The following PRR5 variants were observed in gnomAD, a reference collection of about 807,000 sequenced individuals.
The protein encoded by PRR5 is proline rich 5.
In PRR5, 25 loss-of-function variants were observed where a neutral mutation model predicts 30.6. The ratio of observed to expected loss-of-function variants is 0.82; its 90% CI spans 0.60 to 1.14. The LOEUF is 1.14. Among genes scored for constraint, PRR5 ranks in the 50% most tolerant of loss-of-function variants. PRR5 has a pLI of 0.00. For missense variants in PRR5, 600 were observed against 547.1 expected (o/e 1.10, Z -0.96); for synonymous variants, 286 against 247.1 (o/e 1.16, Z -1.48).
intron 1 of PRR5, among the ~76,000 whole-genome samples, chr22:44,683,357 T>C (rs56692566): frequency 0.091 from 13,870 of 152,252 alleles, 817 homozygotes; most frequent in East Asian, 0.29. Context: ...CCACCCACCT[T>C]GAGGGCCACC....
rs747179688 is a variant in PRR5, at chr22:44,714,667, G to A, written c.211G>A (p.Val71Ile). Residue 71 changes from valine to isoleucine, a missense_variant, in exon 2 of 8, where the codon GTC becomes ATC. Physicochemically the swap from Val to Ile is conservative, Grantham distance 29 (BLOSUM62 3). Coordinates refer to ENST00000336985, the MANE Select transcript of PRR5 (RefSeq NM_181333.4). ...DQELFSLNEGVRQLLKTELGS... is the reference protein window; with the variant it reads ...DQELFSLNEGIRQLLKTELGS... ...GGAGCTCTTCAGCCTCAACGAGGGC[G>A]TCCGGTGAGTGCCTGTCCCACCTTG... is the stretch of plus-strand genomic sequence containing the variant. The A allele has an allele frequency of 1.4e-5, 22 of 1,613,682 alleles. No homozygotes were observed. The highest frequency in any genetic ancestry group is 4.4e-5 in the South Asian group (4 of 91,082).
At chr22:44,717,629 A>G (rs897392100) in intron 2 of PRR5, among the ~76,000 whole-genome samples, 3 of 152,026 alleles carry the variant, frequency 2.0e-5, no homozygotes, top group Non-Finnish European at 4.4e-5. Context: ...CAATGGAGGT[A>G]GAGCAGGTAG....
rs137993470 is a variant in PRR5, at chr22:44,731,953, T to C, written c.414+132T>C. On this transcript the variant is annotated intron_variant, in intron 5 of 7. Transcript: ENST00000336985. ...CTGCTCTGTGCTGCTCTCCTTGGGCTACCTGAGTTGCTCAGAGCCTGTTTC... is the reference window on the plus strand; with the variant it reads ...CTGCTCTGTGCTGCTCTCCTTGGGCCACCTGAGTTGCTCAGAGCCTGTTTC... The C allele has an allele frequency of 1.4e-3, 1,484 of 1,025,698 alleles. 16 individuals carry two copies. In the African/African-American group the frequency reaches 0.022, roughly 15 times the overall value. The allele number at this position is 1,025,698 out of a possible 1,614,324, so 63.5% of individuals were successfully genotyped here. A position where few individuals can be genotyped will look rare whatever the true frequency, so the allele number is the denominator to read the frequency against.
intron 1 of PRR5, among the ~76,000 whole-genome samples, chr22:44,710,702 G>A (rs554260513): frequency 6.6e-5 from 10 of 152,262 alleles, no homozygotes; most frequent in African/African-American, 2.4e-4. Context: ...GAGGAGCAGA[G>A]GTCCTGGGTG....
At chr22:44,671,536 G>C (rs529725936) in intron 1 of PRR5, among the ~76,000 whole-genome samples, 1 of 152,228 alleles carries the variant, frequency 6.6e-6, no homozygotes, top group East Asian at 1.9e-4. Flanking sequence ...CAGACCCTCA[G>C]CTTCTGGTGG....
chr22:44,720,067 C>T (rs1240146065), intron 2 of PRR5, among the ~76,000 whole-genome samples: 1 of 152,188 alleles, frequency 6.6e-6, no homozygotes, highest in African/African-American at 2.4e-5. Flanking sequence ...ATCCACACCC[C>T]CTCTTCTCCC....
chr22:44,726,265 C>T (rs183356528), intron 3 of PRR5, among the ~76,000 whole-genome samples: 41 of 152,350 alleles, frequency 2.7e-4, no homozygotes, highest in African/African-American at 7.2e-4. Flanking sequence ...AAAGTCCTTT[C>T]TTCACTGTGG....
chr22:44,678,363 T>C (rs527679567), intron 1 of PRR5, among the ~76,000 whole-genome samples: 1 of 150,268 alleles, frequency 6.7e-6, no homozygotes, highest in East Asian at 2.0e-4. Flanking sequence ...TTCACTCTTG[T>C]TCAGGCTGGA....
chr22:44,700,966 T>G (rs545555397), upstream of PRR5, among the ~76,000 whole-genome samples: 136 of 152,170 alleles, frequency 8.9e-4, no homozygotes, highest in Non-Finnish European at 1.3e-3. Context: ...CTCTGCAACC[T>G]CTGCCTCCCA....
chr22:44,708,846 A>G (rs1013423423), intron 1 of PRR5, among the ~76,000 whole-genome samples: 3 of 151,730 alleles, frequency 2.0e-5, no homozygotes, highest in African/African-American at 7.3e-5. Flanking sequence ...GGGCGCCTGT[A>G]GTCCTAGCTA....
chr22:44,723,499 C>T (rs186941022), intron 2 of PRR5, among the ~76,000 whole-genome samples: 1 of 152,126 alleles, frequency 6.6e-6, no homozygotes, highest in Non-Finnish European at 1.5e-5. Context: ...GCAGGTGGAT[C>T]ACCTCAGGTC....
At position 44,736,830 on chromosome 22, in the gene PRR5, G is replaced by T; in HGVS notation, c.750G>T (p.Val250=). 6.3e-7 allele frequency: 1 copy of T among 1,593,134 alleles called. No homozygotes were observed. The change falls in exon 8 of 8, where the codon GTG becomes GTT. Residue 250 remains valine, a synonymous_variant. Coordinates refer to ENST00000336985, the MANE Select transcript of PRR5 (RefSeq NM_181333.4). The part of the protein sequence containing the change: ...SGDVLAKNPV[V]RSKSYNTPLL... ...ACGTGCTGGCCAAGAACCCTGTGGT[G>T]CGCTCCAAGAGCTACAACACGCCTC...
Position 44,729,905 on chromosome 22 carries a change from C to T in PRR5, c.323-1825C>T, listed in dbSNP as rs960357224. 3.1e-5 allele frequency: 31 copies of T among 985,500 alleles called. No individual in the cohort carries two copies. In the East Asian group the frequency reaches 1.1e-3, roughly 36 times the overall value. 61.0% of individuals were successfully genotyped at this position (985,500 alleles called of 1,614,324 possible). A position where few individuals can be genotyped will look rare whatever the true frequency, so the allele number is the denominator to read the frequency against. ...AACTGAGCTGCCTTTCTTCCTGCCG[C>T]GGCGGAGGGGGACTGAAGGGACTTT... On this transcript the variant is annotated intron_variant, in intron 4 of 7. Transcript: ENST00000336985.
intron 2 of PRR5, 124 bp from the exon 3 acceptor site, chr22:44,725,120 T>G: frequency 3.5e-6 from 5 of 1,418,780 alleles, no homozygotes; most frequent in Non-Finnish European, 4.8e-6. Context: ...CCACTACCCA[T>G]GTTTTTGGGC....
chr22:44,696,721 G>A (rs79118556), intron 1 of PRR5, among the ~76,000 whole-genome samples: 2 of 147,926 alleles, frequency 1.4e-5, no homozygotes, highest in Non-Finnish European at 3.0e-5. Context: ...ATGAACTTAC[G>A]TATTTATTTA....
chr22:44,670,387 T>C (rs1923354467), intron 1 of PRR5, among the ~76,000 whole-genome samples: 3 of 152,194 alleles, frequency 2.0e-5, no homozygotes. Flanking sequence ...GGATCCCAGC[T>C]CCAGCACTGG....
At position 44,734,800 on chromosome 22, in the gene PRR5, T is replaced by G. The variant is rs926425741; in HGVS notation, c.556-227T>G. Reference sequence around the variant, plus strand: ...GGCCTTTTTCCAGGGCACACCATGGTCTCCCAGATCCCGACGCTGCTGTGA... The same window carrying G: ...GGCCTTTTTCCAGGGCACACCATGGGCTCCCAGATCCCGACGCTGCTGTGA... On this transcript the variant is annotated intron_variant, in intron 6 of 7. Transcript: ENST00000336985. 1.5e-5 allele frequency: 9 copies of G among 609,506 alleles called. No homozygotes were observed. The African/African-American group carries it at 1.5e-4, about 10-fold the overall frequency. The allele number at this position is 609,506 out of a possible 1,614,324, so 37.8% of individuals were successfully genotyped here.
chr22:44,736,871 AGGAGCACGAGGC>A lies in PRR5; in HGVS notation c.796_807del (p.His266_Glu269del). On this transcript the variant is annotated inframe_deletion, in exon 8 of 8. Coordinates refer to ENST00000336985, the MANE Select transcript of PRR5 (RefSeq NM_181333.4). The stretch of plus-strand genomic sequence containing the variant: ...AACACGCCTCTGCTGAACCCCGTGC[AGGAGCACGAGGC>A]GGAGGGCGCGGCGGCCGGCGGTACC... The A allele has an allele frequency of 6.2e-7, 1 of 1,609,666 alleles. No homozygotes were observed. The highest frequency in any genetic ancestry group is 8.5e-7 in the Non-Finnish European group (1 of 1,178,298).
chr22:44,736,764 C>G lies in PRR5; in HGVS notation c.692-8C>G, dbSNP rs776817721. ...CTCTGGTGTGACAGTGCCCGTGTCT[C>G]TCCCCAGAAAAGCGCCTCCTCCGCC... On this transcript the variant is annotated splice_polypyrimidine_tract_variant and splice_region_variant and intron_variant, in intron 7 of 7. Transcript: ENST00000336985. The G allele has an allele frequency of 7.8e-6, 12 of 1,533,870 alleles. No homozygotes were observed. Among genetic ancestry groups the G allele is most frequent in the Non-Finnish European group, 1.1e-5 (12 of 1,137,080 alleles).
Sources: allele counts gnomAD v4.1 joint callset (sites outside exome capture counted in the v4.1 genomes callset), GRCh38; gene constraint gnomAD v4.1.1; transcripts MANE v1.5; gene names NCBI Gene and HGNC (gene_info 2026-07-23, HGNC 2026-07-21).